The following SPAG5 variants were observed in gnomAD, a reference collection of about 807,000 sequenced individuals.
The protein encoded by SPAG5 is sperm-associated antigen 5.
Under a neutral mutation model 145.4 loss-of-function variants are expected in SPAG5, and 99 were observed. The observed-to-expected ratio is 0.68, with a 90% CI of 0.58 to 0.80. SPAG5 has a LOEUF of 0.80. Ranked by LOEUF, SPAG5 falls within the 30% of genes least tolerant of loss-of-function variation. The pLI, the probability that SPAG5 is intolerant of heterozygous loss-of-function variation, is 0.00. For missense variants in SPAG5, 1,192 were observed against 1,416.0 expected, an observed-to-expected ratio of 0.84 and a Z score of 2.54; for synonymous variants, 477 against 525.4, an observed-to-expected ratio of 0.91 and a Z score of 1.26.
rs771515336 is a variant in SPAG5, at chr17:28,578,280, TCA to T, written c.3365_3366del (p.Leu1122GlnfsTer10). 8 of 1,614,166 alleles carry T rather than the reference TCA, an allele frequency of 5.0e-6. No homozygotes were observed. Among genetic ancestry groups the T allele is most frequent in the Non-Finnish European group, 6.8e-6 (8 of 1,180,022 alleles). Reference sequence around the variant, plus strand: ...TTTTTCATCTCCAGGAACATCACTCTCAGTTTGTCCACCTAGAAATATGTCCA... The same window carrying T: ...TTTTTCATCTCCAGGAACATCACTCTGTTTGTCCACCTAGAAATATGTCCA... Reference protein sequence around the residue: ...KVWLSQEVDKLRVMFLEMKNE... With the variant: ...KVWLSQEVDKXRVMFLEMKNE... On this transcript the variant is annotated frameshift_variant, in exon 22 of 24. Transcript: ENST00000321765. LOFTEE classifies it high-confidence loss of function.
intron 2 of SPAG5, among the ~76,000 whole-genome samples, chr17:28,594,550 G>A (rs1346080629): frequency 3.3e-5 from 5 of 152,038 alleles, no homozygotes; most frequent in Non-Finnish European, 4.4e-5. Context: ...AGCCAAGATC[G>A]TGACACTGCA....
In SPAG5 at chr17:28,583,987, C is replaced by T. The variant is rs754240235; in HGVS notation, c.2413-1G>A. On this transcript the variant is annotated splice_acceptor_variant, in intron 13 of 23. Coordinates refer to ENST00000321765, the MANE Select transcript of SPAG5 (RefSeq NM_006461.4). LOFTEE classifies it high-confidence loss of function. ...CAACCTGATTCTCCTGGTCTGCAAA[C>T]TGGGAAGACAAGAGAAGGAGCAAGA... 1 of 1,613,992 alleles carries T rather than the reference C, an allele frequency of 6.2e-7. No individual in the cohort carries two copies. Among genetic ancestry groups the T allele is most frequent in the East Asian group, 2.2e-5 (1 of 44,900 alleles).
Position 28,578,557 on chromosome 17 carries a change from TA to T in SPAG5, c.3199-30del, listed in dbSNP as rs772208785. The T allele has an allele frequency of 5.6e-6, 9 of 1,609,700 alleles. No homozygotes were observed. In the Admixed American group the frequency reaches 1.3e-4, roughly 24 times the overall value. ...GGAATGAGAATGGAGAGGTGTCCAA[TA>T]GGACATAAGGATAGACAACATGTGG... is the stretch of plus-strand genomic sequence containing the variant. On this transcript the variant is annotated intron_variant, in intron 20 of 23. Coordinates refer to ENST00000321765, the MANE Select transcript of SPAG5 (RefSeq NM_006461.4).
chr17:28,592,379 A>C lies in SPAG5; in HGVS notation c.865T>G (p.Ser289Ala), dbSNP rs147658528. 3.7e-6 allele frequency: 6 copies of C among 1,613,900 alleles called. No individual in the cohort carries two copies. The African/African-American group carries it at 8.0e-5, about 22-fold the overall frequency. Reference sequence around the variant, plus strand: ...ACAAGTGCTTGATCTTCTGTTTCAGACTCCTTAGGATGTGTGGGAAACCTC... The same window carrying C: ...ACAAGTGCTTGATCTTCTGTTTCAGCCTCCTTAGGATGTGTGGGAAACCTC... The part of the protein sequence containing the change: ...EMRFPTHPKE[S>A]ETEDQALVSS... The change falls in exon 3 of 24, where the codon TCT becomes GCT. Residue 289 changes from serine (S) to alanine (A), a missense_variant. This residue lies in a region of SPAG5 where 329 missense variants were observed against 354.0 expected (regional missense o/e 0.93). Transcript: ENST00000321765.
Position 28,578,737 on chromosome 17 carries a change from G to T in SPAG5, c.3133C>A (p.Gln1045Lys), listed in dbSNP as rs973368628. ...TCATTCTGCTGCTGTATCACTTCCT[G>T]GAGCTCCTTTTCATTCTGTGAGGGA... is the stretch of plus-strand genomic sequence containing the variant. Reference protein sequence around the residue: ...CLRYKNEKELQEVIQQQNEKI... With the variant: ...CLRYKNEKELKEVIQQQNEKI... The change falls in exon 20 of 24, where the codon CAG becomes AAG. Residue 1045 changes from glutamine to lysine, a missense_variant. Gln to Lys is a moderately conservative substitution (Grantham distance 53). Transcript: ENST00000321765. 1 of 1,613,758 alleles carries T rather than the reference G, an allele frequency of 6.2e-7. No individual in the cohort carries two copies. The highest frequency in any genetic ancestry group is 1.7e-5 in the Admixed American group (1 of 60,016).
At chr17:28,581,049 C>CTA (rs1302270921) in intron 15 of SPAG5, among the ~76,000 whole-genome samples, 1 of 152,156 alleles carries the variant, frequency 6.6e-6, no homozygotes, top group African/African-American at 2.4e-5. Flanking sequence ...ATTTACTATT[C>CTA]TAGAGCAGGG....
At chr17:28,585,808 C>T in intron 7 of SPAG5, 56 bp downstream of exon 7, 1 of 1,613,168 alleles carries the variant, frequency 6.2e-7, no homozygotes, top group Non-Finnish European at 8.5e-7. Flanking sequence ...TGTGTTCCTG[C>T]AGGAACCTTG....
Position 28,578,521 on chromosome 17 carries a change from C to A in SPAG5, c.3206G>T (p.Arg1069Ile). The change falls in exon 21 of 24, where the codon AGA becomes ATA. Residue 1069 changes from arginine to isoleucine, a missense_variant. Physicochemically the swap from Arg to Ile is moderately conservative, Grantham distance 97. Coordinates refer to ENST00000321765, the MANE Select transcript of SPAG5 (RefSeq NM_006461.4). ...IDKSGELISL[R>I]EEVTHLTRSL... is the part of the protein sequence containing the mutation. Reference sequence around the variant, plus strand: ...GCGGGTAAGGTGGGTCACCTCCTCTCTAAGGCTCTGGGAATGAGAATGGAG... The same window carrying A: ...GCGGGTAAGGTGGGTCACCTCCTCTATAAGGCTCTGGGAATGAGAATGGAG... 6.2e-7 allele frequency: 1 copy of A among 1,610,488 alleles called. No homozygotes were observed. The highest frequency in any genetic ancestry group is 8.5e-7 in the Non-Finnish European group (1 of 1,179,976).
At position 28,599,005 on chromosome 17, in the gene SPAG5, C is replaced by T. The variant is rs968024156; in HGVS notation, c.-59G>A. On this transcript the variant is annotated 5_prime_UTR_variant, in exon 1 of 24. Transcript: ENST00000321765. ...ACCAAGTCGAGGACGCCATGTTCAC[C>T]CGCCGTCTGTGTTTGAACCTGCTCT... is the stretch of plus-strand genomic sequence containing the variant. 11 of 1,552,104 alleles carry T rather than the reference C, an allele frequency of 7.1e-6. No homozygotes were observed. The highest frequency in any genetic ancestry group is 9.8e-6 in the Non-Finnish European group (11 of 1,124,192).
At position 28,594,373 on chromosome 17, in the gene SPAG5, A is replaced by C. The variant is rs1006089186; in HGVS notation, c.178-1307T>G. On this transcript the variant is annotated intron_variant, in intron 2 of 23. Coordinates refer to ENST00000321765, the MANE Select transcript of SPAG5 (RefSeq NM_006461.4). Reference sequence around the variant, plus strand: ...CACTTTGGGAGGCTGAGGCGGGCGGATCACGAGGTCAGGAGATCGAGACCA... The same window carrying C: ...CACTTTGGGAGGCTGAGGCGGGCGGCTCACGAGGTCAGGAGATCGAGACCA... Among the ~76,000 whole-genome samples the C allele has an allele frequency of 6.6e-5, 10 of 152,276 alleles. No homozygotes were observed. In the South Asian group the frequency reaches 2.1e-3, roughly 32 times the overall value.
chr17:28,579,895 C>T lies in SPAG5; in HGVS notation c.2798-58G>A, dbSNP rs370301800. On this transcript the variant is annotated intron_variant, in intron 16 of 23. Transcript: ENST00000321765. ...CTCTGATGATCCAGGCAGGGGTCTA[C>T]CATAATGGAAGCCAGGGTAAGATAG... 100 of 1,568,682 alleles carry T rather than the reference C, an allele frequency of 6.4e-5. No homozygotes were observed. In the Middle Eastern group the frequency reaches 6.8e-4, roughly 11 times the overall value.
chr17:28,595,800 C>T (rs2070660715), intron 2 of SPAG5, among the ~76,000 whole-genome samples: 1 of 151,872 alleles, frequency 6.6e-6, no homozygotes, highest in Admixed American at 6.6e-5. Context: ...AATCCCAGCA[C>T]TTTGGGAGGC....
At chr17:28,598,764 C>T in intron 1 of SPAG5, 129 bp from the exon 2 acceptor site, 1 of 1,513,152 alleles carries the variant, frequency 6.6e-7, no homozygotes, top group South Asian at 1.2e-5. Flanking sequence ...CGCGCAGGAG[C>T]AGCAAGGCGA....
At chr17:28,578,121 T>C (rs1216814420) in intron 22 of SPAG5, 31 bp from the exon 23 acceptor site, 2 of 1,610,494 alleles carry the variant, frequency 1.2e-6, no homozygotes, top group Non-Finnish European at 1.7e-6. Context: ...ATAAGTCCTA[T>C]GCATAAAAGA....
At chr17:28,595,342 G>A (rs2070656396) in intron 2 of SPAG5, among the ~76,000 whole-genome samples, 1 of 151,684 alleles carries the variant, frequency 6.6e-6, no homozygotes, top group Admixed American at 6.6e-5. Flanking sequence ...ATAAAGAGAT[G>A]TATGAAAGAA....
At chr17:28,595,924 G>A (rs1050220592) in intron 2 of SPAG5, among the ~76,000 whole-genome samples, 3 of 152,130 alleles carry the variant, frequency 2.0e-5, no homozygotes, top group Non-Finnish European at 4.4e-5. Context: ...ATACATGCCT[G>A]TAATCCCAGC....
At position 28,584,251 on chromosome 17, in the gene SPAG5, A is replaced by G. The variant is rs1597595231; in HGVS notation, c.2311T>C (p.Trp771Arg). Residue 771 changes from tryptophan to arginine, a missense_variant and splice_region_variant, in exon 13 of 24, where the codon TGG (tryptophan) becomes CGG (arginine). Transcript: ENST00000321765. The stretch of plus-strand genomic sequence containing the variant: ...TTTAGTGCCATCTCTTCCTTTTGCC[A>G]TCTGCCAGAGACAACATATTAGATC... The part of the protein sequence containing the change: ...TQSNEEQAAQ[W>R]QKEEMALKHM... 2 of 1,613,932 alleles carry G rather than the reference A, an allele frequency of 1.2e-6. No individual in the cohort carries two copies. The highest frequency in any genetic ancestry group is 1.7e-6 in the Non-Finnish European group (2 of 1,180,022).
chr17:28,596,320 A>G (rs1169797626), intron 2 of SPAG5, among the ~76,000 whole-genome samples: 1 of 152,126 alleles, frequency 6.6e-6, no homozygotes, highest in African/African-American at 2.4e-5. Context: ...AGGGAAGGAG[A>G]ATTCGATTTC....
At position 28,579,477 on chromosome 17, in the gene SPAG5, C is replaced by A. The variant is rs577682165; in HGVS notation, c.2893G>T (p.Gly965Cys). ...MVSLQPAETP[G>C]MEESLAEMSI... Reference sequence around the variant, plus strand: ...ATTTCTGCCAGGCTCTCCTCCATGCCTGGGGTCTCTGAAAGAGAAAGTCCC... The same window carrying A: ...ATTTCTGCCAGGCTCTCCTCCATGCATGGGGTCTCTGAAAGAGAAAGTCCC... Residue 965 changes from glycine to cysteine, a missense_variant, in exon 18 of 24, where the codon GGC becomes TGC. This residue lies in a region of SPAG5 where 709 missense variants were observed against 840.7 expected (regional missense o/e 0.84). Transcript: ENST00000321765. 4.3e-6 allele frequency: 7 copies of A among 1,613,726 alleles called. No individual in the cohort carries two copies. The highest frequency in any genetic ancestry group is 5.9e-6 in the Non-Finnish European group (7 of 1,179,880).
Sources: allele counts gnomAD v4.1 joint callset (sites outside exome capture counted in the v4.1 genomes callset), GRCh38; gene constraint gnomAD v4.1.1; regional missense constraint gnomAD v4.1.1; transcripts MANE v1.5; gene names NCBI Gene and HGNC (gene_info 2026-07-23, HGNC 2026-07-21).